The following SLC24A3 variants were observed in gnomAD, a reference collection of about 807,000 sequenced individuals.
SLC24A3 encodes sodium/potassium/calcium exchanger 3.
SLC24A3 carries 28 observed loss-of-function variants against 75.8 expected under a neutral mutation model. That is an observed-to-expected ratio of 0.37 (90% CI 0.27 to 0.51). SLC24A3 has a LOEUF of 0.51. SLC24A3 is among the 20% of genes least tolerant of loss of function. The pLI is 0.94. For synonymous variants in SLC24A3, 372 were observed against 334.1 expected, an observed-to-expected ratio of 1.11 and a Z score of -1.24; for missense variants, 663 against 847.8, an observed-to-expected ratio of 0.78 and a Z score of 2.71.
intron 6 of SLC24A3, among the ~76,000 whole-genome samples, chr20:19,638,475 C>A (rs764293266): frequency 5.9e-5 from 9 of 151,966 alleles, no homozygotes; most frequent in Non-Finnish European, 1.0e-4. Flanking sequence ...CCTTAAGATA[C>A]CCACTTGAGG....
At chr20:19,557,671 A>G (rs1450703896) in intron 3 of SLC24A3, among the ~76,000 whole-genome samples, 1 of 152,224 alleles carries the variant, frequency 6.6e-6, no homozygotes, top group Non-Finnish European at 1.5e-5. Flanking sequence ...TCTGTGCATT[A>G]AGACAGAAAA....
intron 1 of SLC24A3, among the ~76,000 whole-genome samples, chr20:19,252,539 T>G (rs1331128465): frequency 6.6e-6 from 1 of 151,962 alleles, no homozygotes; most frequent in Non-Finnish European, 1.5e-5. Flanking sequence ...ATCAGCTAGC[T>G]GACAGAGGGG....
At chr20:19,479,978 C>A (rs1392586567) in intron 2 of SLC24A3, among the ~76,000 whole-genome samples, 1 of 152,220 alleles carries the variant, frequency 6.6e-6, no homozygotes, top group Non-Finnish European at 1.5e-5. Flanking sequence ...CTCAGTGAGA[C>A]TCAGTCCTTC....
intron 6 of SLC24A3, 94 bp from the exon 7 acceptor site, chr20:19,653,968 G>A: frequency 4.1e-6 from 4 of 984,448 alleles, no homozygotes; most frequent in Admixed American, 3.8e-5. Flanking sequence ...CAGGACAGGA[G>A]GCCTAGACAG....
In SLC24A3 at chr20:19,397,720, G is replaced by T. The variant is rs189632841; in HGVS notation, c.271+116633G>T. On this transcript the variant is annotated intron_variant, in intron 2 of 16. Coordinates refer to ENST00000328041, the MANE Select transcript of SLC24A3 (RefSeq NM_020689.4). ...CAAGGTAAAGATTCTAAAGTTTGAG[G>T]CTGTTAAAATAGCCAGACTCTGCAT... is the stretch of plus-strand genomic sequence containing the variant. Among the ~76,000 whole-genome samples, 457 of 147,808 alleles carry T rather than the reference G, an allele frequency of 3.1e-3. 4 individuals are homozygous for T. The highest frequency in any genetic ancestry group is 9.8e-3 in the African/African-American group (393 of 39,958).
chr20:19,426,561 T>A (rs1267313483), intron 2 of SLC24A3, among the ~76,000 whole-genome samples: 2 of 152,248 alleles, frequency 1.3e-5, no homozygotes, highest in African/African-American at 4.8e-5. Context: ...TTGGATTGTT[T>A]CCAATACTTT....
At chr20:19,293,943 G>A (rs946258566) in intron 2 of SLC24A3, among the ~76,000 whole-genome samples, 1 of 152,098 alleles carries the variant, frequency 6.6e-6, no homozygotes, top group Admixed American at 6.5e-5. Context: ...CAGAATATCA[G>A]AATGCATGGG....
intron 2 of SLC24A3, among the ~76,000 whole-genome samples, chr20:19,378,529 C>G (rs964253713): frequency 6.6e-6 from 1 of 152,150 alleles, no homozygotes; most frequent in African/African-American, 2.4e-5. Flanking sequence ...ACAAATTGAA[C>G]TGATGTAACA....
At chr20:19,578,577 T>C (rs1383928727) in intron 3 of SLC24A3, among the ~76,000 whole-genome samples, 2 of 151,894 alleles carry the variant, frequency 1.3e-5, no homozygotes, top group Non-Finnish European at 2.9e-5. Flanking sequence ...GCATGGATGT[T>C]CTATGGCTAT....
rs185311541 is a variant in SLC24A3 at position 19,517,401 on chromosome 20, C to T, written c.348+1837C>T. 2.0e-5 allele frequency among the ~76,000 whole-genome samples: 3 copies of T among 152,324 alleles called. No individual in the cohort carries two copies. In the East Asian group the frequency reaches 5.8e-4, roughly 29 times the overall value. On this transcript the variant is annotated intron_variant, in intron 3 of 16. Coordinates refer to ENST00000328041, the MANE Select transcript of SLC24A3 (RefSeq NM_020689.4). ...CCCTCTGGACTCACTGAGTCATCAG[C>T]TGGAGGTGGAGGGGGTTCATTTTTC... is the stretch of plus-strand genomic sequence containing the variant.
intron 2 of SLC24A3, among the ~76,000 whole-genome samples, chr20:19,509,217 C>T (rs1044933833): frequency 6.6e-6 from 1 of 152,142 alleles, no homozygotes; most frequent in African/African-American, 2.4e-5. Context: ...AGATCTGGAC[C>T]CGAGCCTGAT....
chr20:19,422,641 G>A (rs1986936286), intron 2 of SLC24A3, among the ~76,000 whole-genome samples: 1 of 152,198 alleles, frequency 6.6e-6, no homozygotes, highest in South Asian at 2.1e-4. Context: ...GCAGAGTGAG[G>A]TAAGTAATTG....
intron 2 of SLC24A3, among the ~76,000 whole-genome samples, chr20:19,352,922 C>T (rs1482320833): frequency 3.9e-5 from 6 of 152,284 alleles, no homozygotes; most frequent in Admixed American, 1.3e-4. Context: ...ACCTTATCAC[C>T]GAGTGACATC....
chr20:19,399,737 G>A (rs1986517083), intron 2 of SLC24A3, among the ~76,000 whole-genome samples: 1 of 152,194 alleles, frequency 6.6e-6, no homozygotes, highest in African/African-American at 2.4e-5. Flanking sequence ...GTTGGATGGA[G>A]TGTTTTGTAA....
chr20:19,256,999 C>T (rs1326257063), intron 1 of SLC24A3, among the ~76,000 whole-genome samples: 9 of 152,080 alleles, frequency 5.9e-5, no homozygotes, highest in Admixed American at 4.6e-4. Flanking sequence ...TGGACTGCTG[C>T]ACCGAACCCT....
intron 2 of SLC24A3, among the ~76,000 whole-genome samples, chr20:19,485,012 T>G (rs939461649): frequency 6.6e-6 from 1 of 152,204 alleles, no homozygotes; most frequent in African/African-American, 2.4e-5. Flanking sequence ...ATCAAAAAGC[T>G]ACATAATTAA....
At chr20:19,480,700 G>C (rs1238452845) in intron 2 of SLC24A3, among the ~76,000 whole-genome samples, 1 of 151,574 alleles carries the variant, frequency 6.6e-6, no homozygotes, top group Non-Finnish European at 1.5e-5. Flanking sequence ...GGGCAACTCT[G>C]TGTGCTGATC....
chr20:19,388,834 G>T (rs2122385169), intron 2 of SLC24A3, among the ~76,000 whole-genome samples: 1 of 152,120 alleles, frequency 6.6e-6, no homozygotes, highest in East Asian at 1.9e-4. Context: ...AATCCATTCA[G>T]TCTTTTAATT....
chr20:19,245,420 T>C (rs976793443), intron 1 of SLC24A3, among the ~76,000 whole-genome samples: 1 of 152,214 alleles, frequency 6.6e-6, no homozygotes, highest in African/African-American at 2.4e-5. Flanking sequence ...AATCAATGAC[T>C]ACATAAGTGT....
Sources: allele counts gnomAD v4.1 joint callset (sites outside exome capture counted in the v4.1 genomes callset), GRCh38; gene constraint gnomAD v4.1.1; transcripts MANE v1.5; gene names NCBI Gene and HGNC (gene_info 2026-07-23, HGNC 2026-07-21).